The following SLC18A1 variants were observed in gnomAD, a reference collection of about 807,000 sequenced individuals.
The protein encoded by SLC18A1 is solute carrier family 18 member A1, also known as chromaffin granule amine transporter.
SLC18A1 carries 69 observed loss-of-function variants against 53.7 expected under a neutral mutation model. The observed-to-expected ratio is 1.28, with a 90% CI of 1.06 to 1.57. SLC18A1 has a LOEUF of 1.57. SLC18A1 is among the 40% of genes most tolerant of loss of function. The probability of loss-of-function intolerance (pLI) is 0.00; values close to 1 mark genes in which losing one functional copy is unlikely to be tolerated. For missense variants in SLC18A1, 932 were observed against 668.1 expected, an observed-to-expected ratio of 1.40 and a Z score of -4.35; for synonymous variants, 320 against 248.1, an observed-to-expected ratio of 1.29 and a Z score of -2.72.
chr8:20,158,600 G>T (rs892854872), intron 10 of SLC18A1, among the ~76,000 whole-genome samples: 1 of 152,130 alleles, frequency 6.6e-6, no homozygotes, highest in Non-Finnish European at 1.5e-5. Context: ...GACTCCAAAA[G>T]ATTGTTAAGG....
At chr8:20,151,154 T>TTG (rs1554534420) in intron 10 of SLC18A1, among the ~76,000 whole-genome samples, 50 of 147,508 alleles carry the variant, frequency 3.4e-4, no homozygotes, top group African/African-American at 1.2e-3. Flanking sequence ...TTTGTTTTTT[T>TTG]TTTGTTTGTT....
At position 20,165,069 on chromosome 8, in the gene SLC18A1, G is replaced by C. The variant is rs267601846; in HGVS notation, c.897C>G (p.Asp299Glu). The C allele has an allele frequency of 2.5e-6, 4 of 1,614,220 alleles. No homozygotes were observed. The highest frequency in any genetic ancestry group is 2.2e-5 in the East Asian group (1 of 44,882). The change falls in exon 9 of 16, where the codon GAC becomes GAG. Residue 299 changes from aspartate (D) to glutamate (E), a missense_variant. By Grantham distance (45) the Asp-to-Glu change is conservative. Coordinates refer to ENST00000276373, the MANE Select transcript of SLC18A1 (RefSeq NM_003053.4). ...KGTPLFMLLKDPYILVAAGSI... is the reference protein window; with the variant it reads ...KGTPLFMLLKEPYILVAAGSI... ...TACCTGCAGCCACCAGGATGTAAGG[G>C]TCTTTGAGAAGCATAAAGAGGGGAG... is the stretch of plus-strand genomic sequence containing the variant.
intron 7 of SLC18A1, 95 bp downstream of exon 7, chr8:20,171,310 A>C: frequency 7.5e-7 from 1 of 1,338,938 alleles, no homozygotes; most frequent in Non-Finnish European, 1.1e-6. Context: ...AACATGTCCA[A>C]ACCGCCCATT....
intron 6 of SLC18A1, among the ~76,000 whole-genome samples, chr8:20,171,753 G>A (rs2132699): frequency 0.73 from 111,096 of 151,634 alleles, 40,966 homozygotes; most frequent in Middle Eastern, 0.82. Context: ...GAGGGACACA[G>A]ATAATTAAAG....
chr8:20,172,020 G>A (rs946887352), intron 6 of SLC18A1, among the ~76,000 whole-genome samples: 3 of 152,238 alleles, frequency 2.0e-5, no homozygotes, highest in African/African-American at 7.2e-5. Context: ...ATATGCAGAT[G>A]AGTCATGTAC....
At chr8:20,157,318 G>C (rs1204103817) in intron 10 of SLC18A1, among the ~76,000 whole-genome samples, 2 of 152,194 alleles carry the variant, frequency 1.3e-5, no homozygotes, top group Non-Finnish European at 2.9e-5. Context: ...ATTGCAGCCT[G>C]AGAGTTTGGC....
intron 6 of SLC18A1, 147 bp downstream of exon 6, chr8:20,172,889 T>A: frequency 1.5e-6 from 1 of 645,646 alleles, no homozygotes; most frequent in South Asian, 1.8e-5. Flanking sequence ...GAAGGAAATT[T>A]AACCTTTTCT....
intron 15 of SLC18A1, among the ~76,000 whole-genome samples, chr8:20,146,257 C>G (rs2071395028): frequency 6.6e-6 from 1 of 152,124 alleles, no homozygotes. Flanking sequence ...TCATTCCGTC[C>G]TCCCACTAGT....
intron 11 of SLC18A1, among the ~76,000 whole-genome samples, chr8:20,150,220 G>A (rs2071514778): frequency 1.3e-5 from 2 of 152,186 alleles, no homozygotes; most frequent in African/African-American, 2.4e-5. Context: ...CCTTATTGTA[G>A]TGAAGGGACA....
Position 20,179,264 on chromosome 8 carries a change from A to G in SLC18A1, c.345T>C (p.Thr115=). Residue 115 remains threonine, a synonymous_variant, in exon 3 of 16, where the codon ACT becomes ACC. Coordinates refer to ENST00000276373, the MANE Select transcript of SLC18A1 (RefSeq NM_003053.4). Reference sequence around the variant, plus strand: ...TGTTTTTATGAGCTGAGATGGCTTCAGTGGCTGGAGGTGGGATGGTGCTGG... The same window carrying G: ...TGTTTTTATGAGCTGAGATGGCTTCGGTGGCTGGAGGTGGGATGGTGCTGG... ...DTASTIPPPA[T]EAISAHKNNC... is the part of the protein sequence containing the mutation. 6.2e-7 allele frequency: 1 copy of G among 1,614,166 alleles called. No homozygotes were observed.
At chr8:20,178,648 T>C (rs1224143334) in intron 3 of SLC18A1, among the ~76,000 whole-genome samples, 155 bp from the exon 4 acceptor site, 2 of 152,198 alleles carry the variant, frequency 1.3e-5, no homozygotes, top group Non-Finnish European at 2.9e-5. Context: ...ATAGGGCATG[T>C]GGATGAGTAT....
At chr8:20,151,869 C>T (rs2071564754) in intron 10 of SLC18A1, among the ~76,000 whole-genome samples, 1 of 152,176 alleles carries the variant, frequency 6.6e-6, no homozygotes, top group Admixed American at 6.5e-5. Context: ...GCTGGGAATA[C>T]AGCGGTGAAT....
At chr8:20,149,588 CCCTCTCT>C in intron 12 of SLC18A1, 81 bp downstream of exon 12, 12 of 940,832 alleles carry the variant, frequency 1.3e-5, no homozygotes, top group South Asian at 3.4e-5. Context: ...CTCTCTCTCT[CCCTCTCT>C]CTCTCTCTCT....
Position 20,145,842 on chromosome 8 carries a change from C to T in SLC18A1, c.1499G>A (p.Arg500Gln), listed in dbSNP as rs867015301. ...CGTGGGCTTCTGGGTTGCATACATC[C>T]GGGTCTCCATGGGGCAGTCCTGACT... ...ILSQDCPMET[R>Q]MYATQKPTKE... The change falls in exon 16 of 16, where the codon CGG becomes CAG. Residue 500 changes from arginine (R) to glutamine (Q), a missense_variant. Coordinates refer to ENST00000276373, the MANE Select transcript of SLC18A1 (RefSeq NM_003053.4). 3 of 1,611,576 alleles carry T rather than the reference C, an allele frequency of 1.9e-6. No individual in the cohort carries two copies. The highest frequency in any genetic ancestry group is 2.2e-5 in the South Asian group (2 of 90,448).
rs368197565 is a variant in SLC18A1 at position 20,178,459 on chromosome 8, C to G, written c.523G>C (p.Val175Leu). 7 of 1,604,748 alleles carry G rather than the reference C, an allele frequency of 4.4e-6. No homozygotes were observed. In the African/African-American group the frequency reaches 5.4e-5, roughly 12 times the overall value. Residue 175 changes from valine to leucine, a missense_variant, in exon 4 of 16, where the codon GTT (valine) becomes CTT (leucine). By Grantham distance (32) the Val-to-Leu change is conservative (BLOSUM62 1). Transcript: ENST00000276373. ...GYHIPMFAGF[V>L]IMFLSTVMFA... ...CTAACTGTGGAGAGAAACATGATAA[C>G]AAAGCCAGCAAACATGGGGATATGA...
chr8:20,146,792 C>T (rs566407712), intron 15 of SLC18A1, among the ~76,000 whole-genome samples: 1 of 149,350 alleles, frequency 6.7e-6, no homozygotes, highest in East Asian at 2.0e-4. Flanking sequence ...CTATTACACT[C>T]CACCCTGGGC....
chr8:20,149,428 T>A (rs1429759320), intron 12 of SLC18A1, among the ~76,000 whole-genome samples: 1 of 152,000 alleles, frequency 6.6e-6, no homozygotes, highest in African/African-American at 2.4e-5. Context: ...CCTTTCCCAC[T>A]TCCCCTCAAA....
chr8:20,150,633 C>T, intron 11 of SLC18A1, 33 bp downstream of exon 11: 1 of 1,580,528 alleles, frequency 6.3e-7, no homozygotes, highest in South Asian at 1.1e-5. Flanking sequence ...TCTTACATTT[C>T]TACTGTTCGT....
intron 12 of SLC18A1, among the ~76,000 whole-genome samples, chr8:20,148,825 A>G (rs1409600010): frequency 2.0e-5 from 3 of 152,152 alleles, no homozygotes; most frequent in Admixed American, 2.0e-4. Context: ...ATAAATTATC[A>G]ATAGTATTGG....
Sources: allele counts gnomAD v4.1 joint callset (sites outside exome capture counted in the v4.1 genomes callset), GRCh38; gene constraint gnomAD v4.1.1; transcripts MANE v1.5; gene names NCBI Gene and HGNC (gene_info 2026-07-23, HGNC 2026-07-21).